ANKRD36C: variants seen among roughly 807,000 people sequenced by gnomAD.
ANKRD36C encodes ankyrin repeat domain-containing protein 36C.
Under a neutral mutation model 276.4 loss-of-function variants are expected in ANKRD36C, and 61 were observed. The observed-to-expected ratio is 0.22, with a 90% CI of 0.18 to 0.27. The LOEUF is 0.27. Ranked by LOEUF, ANKRD36C falls within the 10% of genes least tolerant of loss-of-function variation. The probability of loss-of-function intolerance (pLI) is 1.00; values close to 1 mark genes in which losing one functional copy is unlikely to be tolerated. For missense variants in ANKRD36C, 1,447 were observed against 2,032.3 expected (o/e 0.71, Z 5.54); for synonymous variants, 483 against 680.1 (o/e 0.71, Z 4.51).
At position 95,929,012 on chromosome 2, in the gene ANKRD36C, G is replaced by T. The variant is rs1490629403; in HGVS notation, c.1837+60C>A. On this transcript the variant is annotated intron_variant, in intron 26 of 66. Coordinates refer to ENST00000456556, the Ensembl canonical transcript of ANKRD36C. ...CGAACTCCCCACTGATTTATTTGGG[G>T]AAGGGAAGTTCTCTTCCATCTTGAT... 15 of 1,594,946 alleles carry T rather than the reference G, an allele frequency of 9.4e-6. No homozygotes were observed. The South Asian group carries it at 9.9e-5, about 11-fold the overall frequency.
chr2:95,850,842 C>G (rs559330421), downstream of ANKRD36C, among the ~76,000 whole-genome samples: 2 of 152,208 alleles, frequency 1.3e-5, no homozygotes, highest in South Asian at 2.1e-4. Context: ...GTTGACGATG[C>G]CTTTGTTTTG....
chr2:95,875,180 G>T (rs547476543), intron 59 of ANKRD36C, among the ~76,000 whole-genome samples: 2 of 152,200 alleles, frequency 1.3e-5, no homozygotes, highest in East Asian at 1.9e-4. Context: ...CCATTACTGG[G>T]TATATACCCA....
At chr2:95,934,439 T>C (rs1223620529) in intron 24 of ANKRD36C, among the ~76,000 whole-genome samples, 1 of 151,806 alleles carries the variant, frequency 6.6e-6, no homozygotes, top group African/African-American at 2.4e-5. Flanking sequence ...AAAGGATGAG[T>C]TCATGTCCTT....
intron 12 of ANKRD36C, among the ~76,000 whole-genome samples, chr2:95,957,360 G>A (rs1678352093): frequency 6.6e-6 from 1 of 152,414 alleles, no homozygotes; most frequent in African/African-American, 2.4e-5. Context: ...CAATTCAGCA[G>A]GTACACAATG....
Position 95,853,693 on chromosome 2 carries a change from A to C in ANKRD36C, c.5148+16T>G. On this transcript the variant is annotated intron_variant, in intron 64 of 66. Transcript: ENST00000456556. ...TACAGATTAACAGTTGTTGGTGTGCAAAGTTGCATACATACTTGACTTCTC... is the reference window on the plus strand; with the variant it reads ...TACAGATTAACAGTTGTTGGTGTGCCAAGTTGCATACATACTTGACTTCTC... 1 of 1,564,106 alleles carries C rather than the reference A, an allele frequency of 6.4e-7. No homozygotes were observed. Among genetic ancestry groups the C allele is most frequent in the South Asian group, 1.2e-5 (1 of 85,188 alleles).
At chr2:95,965,060 G>T (rs374741069) in intron 6 of ANKRD36C, among the ~76,000 whole-genome samples, 1 of 151,734 alleles carries the variant, frequency 6.6e-6, no homozygotes, top group Non-Finnish European at 1.5e-5. Flanking sequence ...ATGAAGAATG[G>T]TGTAATTTTT....
rs1208046900 is a variant in ANKRD36C, at chr2:95,878,309, A to T, written c.3470-1800T>A. ...TTCAAAATCAGTGCAATGTTCACTG[A>T]TTATTTTGGTTTTGTTATTCAAAGA... On this transcript the variant is annotated intron_variant, in intron 58 of 66. Transcript: ENST00000456556. Among the ~76,000 whole-genome samples the T allele has an allele frequency of 7.2e-5, 11 of 152,244 alleles. 1 individual carries two copies. Among genetic ancestry groups the T allele is most frequent in the African/African-American group, 2.6e-4 (11 of 41,530 alleles).
chr2:95,935,220 C>T (rs1395100644), intron 24 of ANKRD36C, among the ~76,000 whole-genome samples: 1 of 115,586 alleles, frequency 8.7e-6, no homozygotes, highest in African/African-American at 3.2e-5. Flanking sequence ...ACACTGGGAT[C>T]TTTATTACAA....
rs567612848 is a variant in ANKRD36C at position 95,916,236 on chromosome 2, C to T, written c.2348-65G>A. The T allele has an allele frequency of 2.6e-4, 421 of 1,593,370 alleles. 4 individuals carry two copies. The South Asian group carries it at 4.2e-3, about 16-fold the overall frequency. On this transcript the variant is annotated intron_variant, in intron 36 of 66. Transcript: ENST00000456556. Reference sequence around the variant, plus strand: ...TATGATAAAGTTATCCATACATTCACACAGTGTTAGCATCAACCTCTGAAC... The same window carrying T: ...TATGATAAAGTTATCCATACATTCATACAGTGTTAGCATCAACCTCTGAAC...
chr2:95,872,412 G>GACT (rs1675835432), intron 59 of ANKRD36C, among the ~76,000 whole-genome samples: 1 of 151,372 alleles, frequency 6.6e-6, no homozygotes, highest in African/African-American at 2.4e-5. Flanking sequence ...GCTCCTGAAT[G>GACT]ACTACTGGGT....
intron 1 of ANKRD36C, among the ~76,000 whole-genome samples, chr2:95,989,219 G>T (rs1679089380): frequency 6.6e-6 from 1 of 151,912 alleles, no homozygotes; most frequent in Admixed American, 6.6e-5. Context: ...TAGAAACTGA[G>T]AATTATTTTT....
At position 95,896,520 on chromosome 2, in the gene ANKRD36C, C is replaced by A. The variant is rs1346409424; in HGVS notation, c.2755+2625G>T. On this transcript the variant is annotated intron_variant, in intron 44 of 66. Transcript: ENST00000456556. ...TTTATCCAAGAGGTAGCTCCTTGAA[C>A]AAGGAAGCAAATTTATTCATATTCA... is the stretch of plus-strand genomic sequence containing the variant. Among the ~76,000 whole-genome samples the A allele has an allele frequency of 2.7e-5, 4 of 149,824 alleles. No homozygotes were observed. In the East Asian group the frequency reaches 7.9e-4, roughly 29 times the overall value.
chr2:95,991,501 G>T lies in ANKRD36C; in HGVS notation c.197+11C>A, dbSNP rs1558667358. ...CCTCCTCCCGCAGCCCCGGCTCCCGGCCCCCATTACCTTTCCTTCCTGTCT... is the reference window on the plus strand; with the variant it reads ...CCTCCTCCCGCAGCCCCGGCTCCCGTCCCCCATTACCTTTCCTTCCTGTCT... On this transcript the variant is annotated intron_variant, in intron 1 of 66. Transcript: ENST00000456556. The T allele has an allele frequency of 2.5e-6, 4 of 1,583,206 alleles. No individual in the cohort carries two copies. In the South Asian group the frequency reaches 4.6e-5, roughly 18 times the overall value.
intron 6 of ANKRD36C, among the ~76,000 whole-genome samples, chr2:95,968,557 C>T (rs1678639109): frequency 6.6e-6 from 1 of 152,142 alleles, no homozygotes; most frequent in East Asian, 1.9e-4. Context: ...ACATGATGTT[C>T]CTCTTCTCTC....
chr2:95,941,140 A>T lies in ANKRD36C; in HGVS notation c.1531+20T>A. 3 of 1,474,824 alleles carry T rather than the reference A, an allele frequency of 2.0e-6. No individual in the cohort carries two copies. The highest frequency in any genetic ancestry group is 2.7e-6 in the Non-Finnish European group (3 of 1,119,858). The allele number at this position is 1,474,824 out of a possible 1,614,324, so 91.4% of individuals were successfully genotyped here. A position where few individuals can be genotyped will look rare whatever the true frequency, so the allele number is the denominator to read the frequency against. On this transcript the variant is annotated intron_variant, in intron 20 of 66. Transcript: ENST00000456556. ...CATTATTTGATTGCTCTCATGGAGC[A>T]CTTTTTATAATACCAATACCATTTG...
intron 5 of ANKRD36C, among the ~76,000 whole-genome samples, chr2:95,979,042 AT>A (rs901021808): frequency 3.3e-5 from 5 of 151,538 alleles, no homozygotes; most frequent in Non-Finnish European, 5.9e-5. Context: ...CCCTACTTTC[AT>A]TTTTTTTAAG....
chr2:95,912,592 AAC>A (rs1162904752), intron 40 of ANKRD36C, among the ~76,000 whole-genome samples, 157 bp from the exon 43 acceptor site: 1 of 151,406 alleles, frequency 6.6e-6, no homozygotes, highest in African/African-American at 2.4e-5. Context: ...ACGTGACAGA[AAC>A]ACACTGAAAA....
intron 1 of ANKRD36C, among the ~76,000 whole-genome samples, chr2:95,991,064 G>C (rs1045101427): frequency 4.3e-4 from 65 of 151,416 alleles, no homozygotes; most frequent in African/African-American, 1.5e-3. Context: ...TCCCAGGTGC[G>C]GCTGAGCCTG....
At chr2:95,923,231 A>C (rs72492172) in intron 32 of ANKRD36C, among the ~76,000 whole-genome samples, 2 of 151,590 alleles carry the variant, frequency 1.3e-5, no homozygotes, top group Non-Finnish European at 3.0e-5. Context: ...ATTATGCTGT[A>C]CCCTGAGCCC....
Sources: allele counts gnomAD v4.1 joint callset (sites outside exome capture counted in the v4.1 genomes callset), GRCh38; gene constraint gnomAD v4.1.1; transcripts MANE v1.5; gene names NCBI Gene and HGNC (gene_info 2026-07-23, HGNC 2026-07-21).